The following SNX14 variants were observed in gnomAD, a reference collection of about 807,000 sequenced individuals.
SNX14 encodes sorting nexin-14.
Under a neutral mutation model 133.8 loss-of-function variants are expected in SNX14, and 93 were observed. That is an observed-to-expected ratio of 0.70 (90% CI 0.59 to 0.83). The LOEUF (loss-of-function observed/expected upper bound fraction) is 0.83, where lower values mean the gene tolerates loss of function less well. SNX14 is among the 40% of genes least tolerant of loss of function. The pLI is 0.00. For synonymous variants in SNX14, 368 were observed against 365.6 expected, an observed-to-expected ratio of 1.01 and a Z score of -0.07; for missense variants, 945 against 1,094.9, an observed-to-expected ratio of 0.86 and a Z score of 1.93.
At chr6:85,520,484 A>G (rs1776525763) in intron 21 of SNX14, among the ~76,000 whole-genome samples, 1 of 151,184 alleles carries the variant, frequency 6.6e-6, no homozygotes, top group Non-Finnish European at 1.5e-5. Context: ...CAGCCTCTTG[A>G]GTAGCTGGGA....
intron 1 of SNX14, among the ~76,000 whole-genome samples, chr6:85,583,125 T>C (rs1799567097): frequency 6.6e-6 from 1 of 152,050 alleles, no homozygotes; most frequent in Non-Finnish European, 1.5e-5. Flanking sequence ...ATAAACATAA[T>C]CCATCACATA....
intron 20 of SNX14, among the ~76,000 whole-genome samples, chr6:85,526,444 T>C (rs1474879058): frequency 1.3e-5 from 2 of 152,220 alleles, no homozygotes; most frequent in Non-Finnish European, 2.9e-5. Flanking sequence ...GTTCGAATCC[T>C]GGCTCTTCCA....
chr6:85,558,567 T>C (rs1168257834), intron 6 of SNX14, among the ~76,000 whole-genome samples: 2 of 152,182 alleles, frequency 1.3e-5, no homozygotes, highest in Non-Finnish European at 2.9e-5. Context: ...GCTCAGGTGA[T>C]TCTCCCACCT....
intron 2 of SNX14, 128 bp downstream of exon 2, chr6:85,574,130 A>AG: frequency 1.4e-6 from 1 of 702,340 alleles, no homozygotes; most frequent in Admixed American, 3.3e-5. Flanking sequence ...AAAAAAAAAA[A>AG]AGAGAAGAAA....
At chr6:85,511,132 T>C (rs1444402847) in intron 26 of SNX14, among the ~76,000 whole-genome samples, 2 of 152,244 alleles carry the variant, frequency 1.3e-5, no homozygotes, top group African/African-American at 2.4e-5. Context: ...ATCTTGTGCA[T>C]GTTTTGTTAG....
intron 1 of SNX14, among the ~76,000 whole-genome samples, chr6:85,592,696 T>C (rs1803179221): frequency 2.0e-5 from 3 of 152,008 alleles, no homozygotes; most frequent in African/African-American, 7.2e-5. Flanking sequence ...CTTAAGAATA[T>C]TATAGGGATG....
chr6:85,539,981 A>ATTTTATTTTATTTTATTTTAT (rs1554230930), intron 15 of SNX14, among the ~76,000 whole-genome samples: 1 of 48,224 alleles, frequency 2.1e-5, no homozygotes, highest in Admixed American at 2.8e-4. Context: ...TTTTATTTTA[A>ATTTTATTTTATTTTATTTTAT]TTGAGGCGGA....
chr6:85,576,352 T>G (rs949327887), intron 1 of SNX14, among the ~76,000 whole-genome samples: 1 of 152,188 alleles, frequency 6.6e-6, no homozygotes, highest in African/African-American at 2.4e-5. Context: ...TCTATCTCCC[T>G]CACTCAAGAC....
In SNX14 at chr6:85,549,862, A is replaced by G. The variant is rs775121387; in HGVS notation, c.652T>C (p.Leu218=). Residue 218 remains leucine, a synonymous_variant, in exon 8 of 29, where the codon TTA becomes CTA. Transcript: ENST00000314673. ...ARQKVKNTEF[L]QQAALEEYGP... is the part of the protein sequence containing the mutation. ...TATTCTTCTAAAGCAGCTTGCTGTA[A>G]AAACTCTGTATTTTTTACTATAGAG... The G allele has an allele frequency of 6.2e-7, 1 of 1,607,068 alleles. No individual in the cohort carries two copies. Among genetic ancestry groups the G allele is most frequent in the South Asian group, 1.1e-5 (1 of 89,374 alleles).
chr6:85,585,330 C>T (rs945114054), intron 1 of SNX14, among the ~76,000 whole-genome samples: 1 of 151,856 alleles, frequency 6.6e-6, no homozygotes, highest in South Asian at 2.1e-4. Context: ...CACATGTATA[C>T]CTATGTAACA....
At chr6:85,508,916 A>G (rs1421960664) in intron 26 of SNX14, among the ~76,000 whole-genome samples, 1 of 152,210 alleles carries the variant, frequency 6.6e-6, no homozygotes, top group Non-Finnish European at 1.5e-5. Context: ...TGGTCATAAA[A>G]AATTCTAATG....
chr6:85,518,444 C>CA (rs560100190), intron 21 of SNX14, among the ~76,000 whole-genome samples: 18 of 151,582 alleles, frequency 1.2e-4, no homozygotes, highest in African/African-American at 4.1e-4. Flanking sequence ...AAAGGTCAGT[C>CA]AAAAAAAAGT....
At chr6:85,522,940 A>C (rs141979500) in intron 21 of SNX14, among the ~76,000 whole-genome samples, 1 of 152,178 alleles carries the variant, frequency 6.6e-6, no homozygotes, top group Non-Finnish European at 1.5e-5. Context: ...TAATCTTTCA[A>C]GATTAGACAA....
intron 7 of SNX14, among the ~76,000 whole-genome samples, chr6:85,556,557 G>T (rs139768495): frequency 6.9e-6 from 1 of 144,044 alleles, no homozygotes; most frequent in African/African-American, 2.6e-5. Flanking sequence ...CACAACCTCC[G>T]CCTCCTGGGT....
In SNX14 at chr6:85,526,510, T is replaced by C. The variant is rs529589007; in HGVS notation, c.1996-273A>G. Among the ~76,000 whole-genome samples, 13 of 152,318 alleles carry C rather than the reference T, an allele frequency of 8.5e-5. No individual in the cohort carries two copies. The South Asian group carries it at 2.7e-3, about 32-fold the overall frequency. On this transcript the variant is annotated intron_variant, in intron 20 of 28. Transcript: ENST00000314673. Reference sequence around the variant, plus strand: ...CTAAATTGCCCAAGAGTCAGTTTCCTAACTTATAAAATGAGAATAATGACA... The same window carrying C: ...CTAAATTGCCCAAGAGTCAGTTTCCCAACTTATAAAATGAGAATAATGACA...
intron 1 of SNX14, among the ~76,000 whole-genome samples, chr6:85,576,527 A>T (rs1450669602): frequency 6.6e-6 from 1 of 152,254 alleles, no homozygotes; most frequent in East Asian, 1.9e-4. Flanking sequence ...TGACAGAGTA[A>T]ACTGCATGAA....
intron 9 of SNX14, 33 bp downstream of exon 9, chr6:85,548,268 T>C: frequency 6.8e-7 from 1 of 1,462,836 alleles, no homozygotes; most frequent in Non-Finnish European, 9.4e-7. Flanking sequence ...AAGTGTAATT[T>C]GTAACAATTT....
intron 26 of SNX14, among the ~76,000 whole-genome samples, chr6:85,508,712 A>G (rs1017260399): frequency 6.6e-6 from 1 of 152,168 alleles, no homozygotes; most frequent in Non-Finnish European, 1.5e-5. Flanking sequence ...TTAGGGTCCA[A>G]CGAGTTCAGA....
chr6:85,556,846 T>G (rs1234844666), intron 7 of SNX14, among the ~76,000 whole-genome samples: 1 of 152,192 alleles, frequency 6.6e-6, no homozygotes, highest in African/African-American at 2.4e-5. Context: ...TTTAAAATAA[T>G]TCTCATATCT....
Sources: gnomAD v4.1 joint callset for allele counts (sites outside exome capture counted in the v4.1 genomes callset) on GRCh38, gnomAD v4.1.1 for gene constraint, MANE v1.5 for transcripts, NCBI Gene and HGNC (gene_info 2026-07-23, HGNC 2026-07-21) for gene names.